Variants in TFPI observed in about 807,000 individuals in gnomAD.
The protein encoded by TFPI is tissue factor pathway inhibitor.
Under a neutral mutation model 34.6 loss-of-function variants are expected in TFPI, and 15 were observed. The ratio of observed to expected loss-of-function variants is 0.43; its 90% CI spans 0.29 to 0.67. The LOEUF (loss-of-function observed/expected upper bound fraction) is 0.67, where lower values mean the gene tolerates loss of function less well. Ranked by LOEUF, TFPI falls within the 30% of genes least tolerant of loss-of-function variation. The pLI, the probability that TFPI is intolerant of heterozygous loss-of-function variation, is 0.15. For synonymous variants in TFPI, 105 were observed against 120.1 expected, an observed-to-expected ratio of 0.87 and a Z score of 0.82; for missense variants, 301 against 364.0, an observed-to-expected ratio of 0.83 and a Z score of 1.41.
At chr2:187,484,727 C>A in intron 5 of TFPI, 84 bp downstream of exon 5, 1 of 1,282,998 alleles carries the variant, frequency 7.8e-7, no homozygotes, top group South Asian at 1.6e-5. Flanking sequence ...CAAACAAAAC[C>A]TGAGTATAGA....
chr2:187,473,808 T>C (rs1398286556), intron 6 of TFPI, among the ~76,000 whole-genome samples: 1 of 150,914 alleles, frequency 6.6e-6, no homozygotes, highest in African/African-American at 2.4e-5. Context: ...GGAGCTTTTT[T>C]TTTTCCCCCC....
chr2:187,497,180 A>C, intron 2 of TFPI, 102 bp from the exon 3 acceptor site: 1 of 1,031,292 alleles, frequency 9.7e-7, no homozygotes, highest in Non-Finnish European at 1.4e-6. Context: ...GGAAAAGTAC[A>C]ATAAAACATA....
intron 1 of TFPI, among the ~76,000 whole-genome samples, chr2:187,524,028 T>C (rs1441050175): frequency 1.3e-5 from 2 of 152,118 alleles, no homozygotes; most frequent in African/African-American, 4.8e-5. Context: ...TATGTCTGGC[T>C]TCTTTCACTT....
At chr2:187,542,394 A>G (rs1345444764) in intron 1 of TFPI, among the ~76,000 whole-genome samples, 2 of 151,944 alleles carry the variant, frequency 1.3e-5, no homozygotes, top group Non-Finnish European at 2.9e-5. Flanking sequence ...AGAGAGAGAG[A>G]TGAGAAAGTT....
chr2:187,480,891 T>C (rs1692804370), intron 6 of TFPI, among the ~76,000 whole-genome samples: 2 of 152,080 alleles, frequency 1.3e-5, no homozygotes, highest in South Asian at 4.1e-4. Context: ...GCTTAGTAAG[T>C]ATTCAAGTAT....
intron 6 of TFPI, 28 bp downstream of exon 6, chr2:187,484,096 G>A (rs1364417365): frequency 6.3e-7 from 1 of 1,584,178 alleles, no homozygotes. Flanking sequence ...TAGTTTCCTG[G>A]AAGCAATAAA....
chr2:187,538,302 A>T (rs1239513318), intron 1 of TFPI, among the ~76,000 whole-genome samples: 1 of 152,244 alleles, frequency 6.6e-6, no homozygotes, highest in Non-Finnish European at 1.5e-5. Context: ...TTATTGCAGC[A>T]CTATTCACAG....
At chr2:187,487,666 TGA>T (rs376671859) in intron 4 of TFPI, among the ~76,000 whole-genome samples, 53,194 of 151,178 alleles carry the variant, frequency 0.35, 10,091 homozygotes, top group African/African-American at 0.49. Context: ...CCTGATCCAT[TGA>T]TAACATTTTT....
chr2:187,506,498 C>G (rs1686230480), intron 1 of TFPI, among the ~76,000 whole-genome samples: 1 of 152,056 alleles, frequency 6.6e-6, no homozygotes, highest in South Asian at 2.1e-4. Context: ...ATATGTTAAT[C>G]AAATATCCTT....
chr2:187,518,095 ATTT>A (rs1158690671), intron 1 of TFPI: 4 of 152,182 alleles, frequency 2.6e-5, no homozygotes, highest in Admixed American at 6.5e-5. Context: ...TCTGTATCCA[ATTT>A]GCCAGTCTCT....
At chr2:187,482,068 A>G (rs77926991) in intron 6 of TFPI, among the ~76,000 whole-genome samples, 1 of 152,198 alleles carries the variant, frequency 6.6e-6, no homozygotes, top group South Asian at 2.1e-4. Context: ...CTAACTTGGT[A>G]GTATGCTTAC....
At chr2:187,483,747 T>C (rs1436757242) in intron 6 of TFPI, among the ~76,000 whole-genome samples, 1 of 151,932 alleles carries the variant, frequency 6.6e-6, no homozygotes, top group Non-Finnish European at 1.5e-5. Context: ...ATACTGACTT[T>C]AAAAGCACTT....
At chr2:187,492,954 G>C (rs755180977) in intron 3 of TFPI, among the ~76,000 whole-genome samples, 3 of 152,124 alleles carry the variant, frequency 2.0e-5, no homozygotes, top group Non-Finnish European at 4.4e-5. Context: ...GCAAGTGCAT[G>C]GTGCAAGCTG....
chr2:187,534,779 T>C (rs1316938717), intron 1 of TFPI, among the ~76,000 whole-genome samples: 1 of 151,638 alleles, frequency 6.6e-6, no homozygotes, highest in African/African-American at 2.4e-5. Context: ...ACTGGCAAAT[T>C]AGATAGAGTC....
chr2:187,496,230 TA>T (rs1319696060), intron 3 of TFPI, among the ~76,000 whole-genome samples: 1 of 152,082 alleles, frequency 6.6e-6, no homozygotes, highest in Non-Finnish European at 1.5e-5. Flanking sequence ...GTTCCAATAA[TA>T]AAAAAATCTT....
chr2:187,524,066 G>C (rs564845804), intron 1 of TFPI, among the ~76,000 whole-genome samples: 1 of 152,148 alleles, frequency 6.6e-6, no homozygotes, highest in East Asian at 1.9e-4. Flanking sequence ...CTCCATTCAT[G>C]CTGTAGCATA....
At chr2:187,468,781 G>A (rs903769080) in intron 6 of TFPI, among the ~76,000 whole-genome samples, 2 of 152,022 alleles carry the variant, frequency 1.3e-5, no homozygotes, top group East Asian at 1.9e-4. Flanking sequence ...GAGGGGCACC[G>A]AGTACTCTTC....
intron 1 of TFPI, among the ~76,000 whole-genome samples, chr2:187,553,556 G>A (rs1005764063): frequency 3.9e-5 from 6 of 152,106 alleles, no homozygotes; most frequent in Non-Finnish European, 7.4e-5. Flanking sequence ...AGTACATCAT[G>A]TAGGCATGTT....
At chr2:187,530,276 A>G (rs75283914) in intron 1 of TFPI, among the ~76,000 whole-genome samples, 1,835 of 152,326 alleles carry the variant, frequency 0.012, 14 homozygotes, top group Admixed American at 0.024. Context: ...CAGACTAACT[A>G]TGAAAGTACC....
Sources: allele counts gnomAD v4.1 joint callset (sites outside exome capture counted in the v4.1 genomes callset), GRCh38; gene constraint gnomAD v4.1.1; transcripts MANE v1.5; gene names NCBI Gene and HGNC (gene_info 2026-07-23, HGNC 2026-07-21).